The following ZNF827 variants were observed in gnomAD, a reference collection of about 807,000 sequenced individuals.
The protein encoded by ZNF827 is zinc finger protein 827.
ZNF827 carries 13 observed loss-of-function variants against 102.4 expected under a neutral mutation model. The ratio of observed to expected loss-of-function variants is 0.13; its 90% CI spans 0.08 to 0.20. ZNF827 has a LOEUF of 0.20. Among genes scored for constraint, ZNF827 ranks in the 10% least tolerant of loss-of-function variants. The pLI is 1.00. For missense variants in ZNF827, 1,103 were observed against 1,344.4 expected, an observed-to-expected ratio of 0.82 and a Z score of 2.81; for synonymous variants, 523 against 536.2, an observed-to-expected ratio of 0.98 and a Z score of 0.34.
At chr4:145,822,575 G>C (rs1295059262) in intron 8 of ZNF827, among the ~76,000 whole-genome samples, 1 of 152,080 alleles carries the variant, frequency 6.6e-6, no homozygotes, top group Non-Finnish European at 1.5e-5. Context: ...CGGTTTCCTG[G>C]ACAAATGAAT....
chr4:145,896,865 C>A (rs983516426), intron 2 of ZNF827, among the ~76,000 whole-genome samples: 1 of 152,080 alleles, frequency 6.6e-6, no homozygotes, highest in Non-Finnish European at 1.5e-5. Context: ...TTATAATGAA[C>A]AAGATCTGCC....
At chr4:145,854,168 T>G (rs1746832251) in intron 5 of ZNF827, among the ~76,000 whole-genome samples, 1 of 151,572 alleles carries the variant, frequency 6.6e-6, no homozygotes, top group East Asian at 1.9e-4. Flanking sequence ...TCACTAGGAG[T>G]AAGGAAACTA....
chr4:145,927,439 T>A (rs534688980), intron 1 of ZNF827, among the ~76,000 whole-genome samples: 23 of 152,244 alleles, frequency 1.5e-4, no homozygotes, highest in African/African-American at 4.3e-4. Context: ...GTAGGACCAA[T>A]AGGGTAGAAG....
At chr4:145,892,700 C>T (rs1444702118) in intron 2 of ZNF827, among the ~76,000 whole-genome samples, 2 of 146,334 alleles carry the variant, frequency 1.4e-5, no homozygotes, top group East Asian at 1.9e-4. Flanking sequence ...AGGAAGACAT[C>T]GGCAAAGGGG....
chr4:145,840,011 AG>A (rs1401481176), intron 7 of ZNF827, among the ~76,000 whole-genome samples: 3 of 152,234 alleles, frequency 2.0e-5, no homozygotes, highest in Non-Finnish European at 4.4e-5. Context: ...GAAAAATGGT[AG>A]AGAGCAAATA....
chr4:145,820,255 T>C (rs1198543621), intron 8 of ZNF827, among the ~76,000 whole-genome samples: 1 of 152,236 alleles, frequency 6.6e-6, no homozygotes, highest in African/African-American at 2.4e-5. Context: ...TACATAACTA[T>C]ATACCAATGT....
At chr4:145,880,379 G>A (rs1014205047) in intron 4 of ZNF827, among the ~76,000 whole-genome samples, 2 of 152,252 alleles carry the variant, frequency 1.3e-5, no homozygotes, top group Admixed American at 1.3e-4. Flanking sequence ...AAAGGAGTTA[G>A]TAAGTATTAA....
rs947629040 is a variant in ZNF827 at position 145,823,461 on chromosome 4, G to A, written c.2344C>T (p.Pro782Ser). 36 of 1,613,646 alleles carry A rather than the reference G, an allele frequency of 2.2e-5. No homozygotes were observed. Among genetic ancestry groups the A allele is most frequent in the Non-Finnish European group, 3.0e-5 (35 of 1,179,978 alleles). Residue 782 changes from proline (P) to serine (S), a missense_variant, in exon 8 of 15, where the codon CCC becomes TCC. This residue lies in a region of ZNF827 where 243 missense variants were observed against 251.6 expected (regional missense o/e 0.97). Coordinates refer to ENST00000508784, the MANE Select transcript of ZNF827 (RefSeq NM_001306215.2). Reference protein sequence around the residue: ...PFTSNSKELLPSDSVLHGRIS... With the variant: ...PFTSNSKELLSSDSVLHGRIS... ...CTTCCGTGCAGCACGGAGTCACTGG[G>A]CAGCAGTTCTTTTGAATTGGAGGTG...
At chr4:145,840,961 A>G (rs376563885) in intron 7 of ZNF827, among the ~76,000 whole-genome samples, 9 of 152,376 alleles carry the variant, frequency 5.9e-5, no homozygotes, top group Admixed American at 3.3e-4. Context: ...TGGTCTGCAC[A>G]GCACGATATG....
At position 145,878,955 on chromosome 4, in the gene ZNF827, G is replaced by T. The variant is rs549337106; in HGVS notation, c.1747+6723C>A. ...TAGGCATGAGGAGCAGGCTGCACATGAAGGGATGGAGTGTAGATGAAAATT... is the reference window on the plus strand; with the variant it reads ...TAGGCATGAGGAGCAGGCTGCACATTAAGGGATGGAGTGTAGATGAAAATT... On this transcript the variant is annotated intron_variant, in intron 4 of 14. Coordinates refer to ENST00000508784, the MANE Select transcript of ZNF827 (RefSeq NM_001306215.2). 1.2e-3 allele frequency among the ~76,000 whole-genome samples: 180 copies of T among 152,268 alleles called. 1 individual carries two copies. The South Asian group carries it at 0.021, about 18-fold the overall frequency.
At chr4:145,866,005 G>A (rs1037559198) in intron 5 of ZNF827, among the ~76,000 whole-genome samples, 3 of 152,186 alleles carry the variant, frequency 2.0e-5, no homozygotes, top group Non-Finnish European at 4.4e-5. Flanking sequence ...TCCATCATGT[G>A]GACTGGGTAA....
chr4:145,871,318 T>C (rs1053578537), intron 4 of ZNF827, among the ~76,000 whole-genome samples: 1 of 152,232 alleles, frequency 6.6e-6, no homozygotes, highest in African/African-American at 2.4e-5. Context: ...GTTTTTCCAC[T>C]AATGTCCTTT....
intron 4 of ZNF827, among the ~76,000 whole-genome samples, chr4:145,872,237 G>A (rs886098628): frequency 6.6e-6 from 1 of 152,206 alleles, no homozygotes; most frequent in Admixed American, 6.5e-5. Flanking sequence ...GACCTCGAAG[G>A]AGGTAATTAA....
Position 145,761,912 on chromosome 4 carries a change from C to T in ZNF827, c.*18-314G>A, listed in dbSNP as rs994141878. Among the ~76,000 whole-genome samples, 1 of 152,196 alleles carries T rather than the reference C, an allele frequency of 6.6e-6. No individual in the cohort carries two copies. The highest frequency in any genetic ancestry group is 1.5e-5 in the Non-Finnish European group (1 of 68,020). On this transcript the variant is annotated intron_variant, in intron 14 of 14. Coordinates refer to ENST00000508784, the MANE Select transcript of ZNF827 (RefSeq NM_001306215.2). The surrounding 1 kb of genome is among the most constrained non-coding windows in gnomAD (Gnocchi z 6.8). The stretch of plus-strand genomic sequence containing the variant: ...AGTGCCAGGAATCAATTTGCTGGTG[C>T]TCCCCTCCAGCCCCCGCCCGGCCCC...
chr4:145,820,808 T>C (rs1303158772), intron 8 of ZNF827, among the ~76,000 whole-genome samples: 1 of 152,148 alleles, frequency 6.6e-6, no homozygotes, highest in African/African-American at 2.4e-5. Context: ...TGCTGCCGGA[T>C]TGGTCTTTCA....
chr4:145,929,037 A>G (rs1753627451), intron 1 of ZNF827, among the ~76,000 whole-genome samples: 1 of 151,782 alleles, frequency 6.6e-6, no homozygotes, highest in South Asian at 2.1e-4. Flanking sequence ...TTTATATGAA[A>G]CCTCCGATTT....
At chr4:145,837,612 T>G (rs368476887) in intron 7 of ZNF827, among the ~76,000 whole-genome samples, 2 of 152,320 alleles carry the variant, frequency 1.3e-5, no homozygotes, top group African/African-American at 2.4e-5. Context: ...AGCTGATATC[T>G]CCTGGTGCTA....
chr4:145,837,266 G>C (rs1744942341), intron 7 of ZNF827, among the ~76,000 whole-genome samples: 1 of 151,910 alleles, frequency 6.6e-6, no homozygotes, highest in African/African-American at 2.4e-5. Context: ...ATGGACTAAA[G>C]TAAAGGTCTT....
rs181560130 is a variant in ZNF827, at chr4:145,804,104, T to G, written c.2383+19318A>C. On this transcript the variant is annotated intron_variant, in intron 8 of 14. Coordinates refer to ENST00000508784, the MANE Select transcript of ZNF827 (RefSeq NM_001306215.2). ...CTTTTAGAAATCTGGACTAGTTTAT[T>G]CTTACATGCCAAAAGGAAATGAACG... Among the ~76,000 whole-genome samples the G allele has an allele frequency of 2.9e-3, 441 of 152,336 alleles. 1 individual carries two copies. The highest frequency in any genetic ancestry group is 5.1e-3 in the Non-Finnish European group (349 of 68,028).
Sources: allele counts gnomAD v4.1 joint callset (sites outside exome capture counted in the v4.1 genomes callset), GRCh38; gene constraint gnomAD v4.1.1; regional missense constraint gnomAD v4.1.1; non-coding constraint Gnocchi (gnomAD v3.1); transcripts MANE v1.5; gene names NCBI Gene and HGNC (gene_info 2026-07-23, HGNC 2026-07-21).